ABCA13: variants seen among roughly 807,000 people sequenced by gnomAD.
The protein encoded by ABCA13 is ATP binding cassette subfamily A member 13.
ABCA13 carries 476 observed loss-of-function variants against 478.7 expected under a neutral mutation model. The observed-to-expected ratio is 0.99, with a 90% CI of 0.92 to 1.07. The LOEUF is 1.07. Ranked by LOEUF, ABCA13 falls within the 50% of genes least tolerant of loss-of-function variation. The probability of loss-of-function intolerance (pLI) is 0.00; values close to 1 mark genes in which losing one functional copy is unlikely to be tolerated. For synonymous variants in ABCA13, 2,252 were observed against 2,158.9 expected (o/e 1.04, Z -1.20); for missense variants, 6,060 against 5,910.6 (o/e 1.03, Z -0.83).
At chr7:48,324,641 C>T (rs570582688) in intron 27 of ABCA13, among the ~76,000 whole-genome samples, 33 of 152,274 alleles carry the variant, frequency 2.2e-4, no homozygotes, top group African/African-American at 7.9e-4. Context: ...CTAATTACTA[C>T]AGGAACGTAG....
intron 41 of ABCA13, among the ~76,000 whole-genome samples, chr7:48,424,917 A>G (rs1821202867): frequency 6.6e-6 from 1 of 152,216 alleles, no homozygotes. Context: ...CATTTTGTCA[A>G]AATCTCAGAG....
Position 48,645,852 on chromosome 7 carries a change from T to C in ABCA13, c.*340T>C, listed in dbSNP as rs1194371437. On this transcript the variant is annotated 3_prime_UTR_variant, in exon 62 of 62. Coordinates refer to ENST00000435803, the MANE Select transcript of ABCA13 (RefSeq NM_152701.5). ...GGAAAGCCTGTCACACTAGAGTGTG[T>C]GTGACATGTCCACTCTAAACATGTC... 7.8e-6 allele frequency: 2 copies of C among 256,564 alleles called. No homozygotes were observed. The highest frequency in any genetic ancestry group is 1.5e-5 in the Non-Finnish European group (2 of 134,432). 15.9% of individuals were successfully genotyped at this position (256,564 alleles called of 1,614,324 possible). A position where few individuals can be genotyped will look rare whatever the true frequency, so the allele number is the denominator to read the frequency against.
Position 48,219,403 on chromosome 7 carries a change from G to T in ABCA13, c.337G>T (p.Ala113Ser). ...TGACCCCAAGAAAGTCAACAACCTG[G>T]CCTTTTTAAAAGAGATACAAGACCT... ...AADPKKVNNL[A>S]FLKEIQDLAE... The change falls in exon 4 of 62, where the codon GCC becomes TCC. Residue 113 changes from alanine to serine, a missense_variant. Physicochemically the swap from Ala to Ser is moderately conservative, Grantham distance 99. Transcript: ENST00000435803. 6.2e-7 allele frequency: 1 copy of T among 1,612,534 alleles called. No homozygotes were observed. The highest frequency in any genetic ancestry group is 8.5e-7 in the Non-Finnish European group (1 of 1,179,404).
chr7:48,340,964 T>C (rs924782676), intron 29 of ABCA13, among the ~76,000 whole-genome samples: 1 of 152,192 alleles, frequency 6.6e-6, no homozygotes, highest in Non-Finnish European at 1.5e-5. Flanking sequence ...TATTTCTTGA[T>C]TTATTTGTTA....
chr7:48,404,974 T>C (rs907178928), intron 39 of ABCA13, among the ~76,000 whole-genome samples: 1 of 152,246 alleles, frequency 6.6e-6, no homozygotes, highest in African/African-American at 2.4e-5. Flanking sequence ...GCAATTGCAC[T>C]AGAAAAGTGC....
intron 27 of ABCA13, among the ~76,000 whole-genome samples, chr7:48,322,880 A>T (rs1803705912): frequency 6.6e-6 from 1 of 151,820 alleles, no homozygotes; most frequent in Non-Finnish European, 1.5e-5. Context: ...CCCACCCTAA[A>T]CCCATCTGTT....
intron 51 of ABCA13, 140 bp from the exon 52 acceptor site, chr7:48,516,585 G>A: frequency 4.9e-6 from 4 of 817,142 alleles, no homozygotes; most frequent in East Asian, 2.5e-5. Flanking sequence ...TATGTATGGG[G>A]AAAAACATAG....
rs1283408818 is a variant in ABCA13 at position 48,520,194 on chromosome 7, A to G, written c.13951A>G (p.Met4651Val). The change falls in exon 53 of 62, where the codon ATG becomes GTG. Residue 4651 changes from methionine to valine, a missense_variant. Met to Val is a conservative substitution (Grantham distance 21). Coordinates refer to ENST00000435803, the MANE Select transcript of ABCA13 (RefSeq NM_152701.5). ...TGATTCCTATGTGAGTCCCTTTGAG[A>G]TGAACTTTCTGGGCTGGATCTTCGT... is the stretch of plus-strand genomic sequence containing the variant. ...GIDSYVSPFE[M>V]NFLGWIFVQL... is the part of the protein sequence containing the mutation. 14 of 1,613,640 alleles carry G rather than the reference A, an allele frequency of 8.7e-6. No individual in the cohort carries two copies. The highest frequency in any genetic ancestry group is 1.2e-5 in the Non-Finnish European group (14 of 1,179,770).
At chr7:48,527,102 T>G (rs1336320297) in intron 54 of ABCA13, among the ~76,000 whole-genome samples, 1 of 151,710 alleles carries the variant, frequency 6.6e-6, no homozygotes, top group Non-Finnish European at 1.5e-5. Flanking sequence ...GAGGACAGGG[T>G]ATGTGGGGAG....
chr7:48,533,993 T>C, intron 55 of ABCA13, among the ~76,000 whole-genome samples: 1 of 152,174 alleles, frequency 6.6e-6, no homozygotes, highest in Non-Finnish European at 1.5e-5. Flanking sequence ...GCCATTTACA[T>C]TCAATGTTAG....
At chr7:48,318,416 A>G (rs750298609) in intron 27 of ABCA13, among the ~76,000 whole-genome samples, 3 of 151,928 alleles carry the variant, frequency 2.0e-5, no homozygotes, top group Non-Finnish European at 2.9e-5. Flanking sequence ...TGGTGCAATC[A>G]TAGCTCACTG....
At chr7:48,380,374 C>A (rs1814155935) in intron 35 of ABCA13, among the ~76,000 whole-genome samples, 1 of 152,198 alleles carries the variant, frequency 6.6e-6, no homozygotes, top group South Asian at 2.1e-4. Flanking sequence ...GCATTGCAAA[C>A]TCAAACGCAG....
intron 54 of ABCA13, among the ~76,000 whole-genome samples, chr7:48,527,389 G>C (rs1272530498): frequency 2.0e-5 from 3 of 152,150 alleles, no homozygotes; most frequent in South Asian, 4.1e-4. Flanking sequence ...CACTTTCCAA[G>C]ATTTGAGGAG....
At chr7:48,190,844 T>C (rs934235504) in intron 1 of ABCA13, among the ~76,000 whole-genome samples, 1 of 152,206 alleles carries the variant, frequency 6.6e-6, no homozygotes, top group Admixed American at 6.5e-5. Flanking sequence ...GGTTATAATC[T>C]TTCTGTACTT....
Position 48,273,857 on chromosome 7 carries a change from G to T in ABCA13, c.4191G>T (p.Trp1397Cys), listed in dbSNP as rs752907845. ...GCAGTCTGAAAGGATGCATTGTATG[G>T]TTAGATGTCATAAACCATTTGTATT... ...TISSLKGCIV[W>C]LDVINHLYLL... The change falls in exon 17 of 62, where the codon TGG (tryptophan) becomes TGT (cysteine). Residue 1397 changes from tryptophan (W) to cysteine (C), a missense_variant. Physicochemically the swap from Trp to Cys is radical, Grantham distance 215. Around this residue, in one of 3 missense-constraint regions of ABCA13, gnomAD observed 4,423 missense variants for 4,309.1 expected, o/e 1.03. Coordinates refer to ENST00000435803, the MANE Select transcript of ABCA13 (RefSeq NM_152701.5). 6.2e-7 allele frequency: 1 copy of T among 1,612,416 alleles called. No individual in the cohort carries two copies. The highest frequency in any genetic ancestry group is 1.1e-5 in the South Asian group (1 of 90,958).
intron 39 of ABCA13, among the ~76,000 whole-genome samples, chr7:48,407,610 C>G (rs1435314134): frequency 1.3e-5 from 2 of 151,732 alleles, no homozygotes; most frequent in Non-Finnish European, 2.9e-5. Context: ...AGGCTGGAGC[C>G]CAATGGTGCA....
chr7:48,342,042 G>A (rs563545108), intron 29 of ABCA13, among the ~76,000 whole-genome samples: 1 of 150,646 alleles, frequency 6.6e-6, no homozygotes, highest in Admixed American at 6.6e-5. Context: ...ATTCAGTTAA[G>A]CATATTTTAA....
chr7:48,176,572 G>A (rs1794909371), intron 1 of ABCA13, among the ~76,000 whole-genome samples: 1 of 152,194 alleles, frequency 6.6e-6, no homozygotes. Context: ...GAATTATGGT[G>A]TTATGCCAGG....
chr7:48,185,563 A>G (rs547073664), intron 1 of ABCA13, among the ~76,000 whole-genome samples: 1 of 152,304 alleles, frequency 6.6e-6, no homozygotes, highest in East Asian at 1.9e-4. Context: ...TTTTTAATGC[A>G]GTAATGATAT....
Sources: allele counts gnomAD v4.1 joint callset (sites outside exome capture counted in the v4.1 genomes callset), GRCh38; gene constraint gnomAD v4.1.1; regional missense constraint gnomAD v4.1.1; transcripts MANE v1.5; gene names NCBI Gene and HGNC (gene_info 2026-07-23, HGNC 2026-07-21).